SLC2A13: variants seen among roughly 807,000 people sequenced by gnomAD.
SLC2A13 encodes proton myo-inositol cotransporter.
Under a neutral mutation model 64.4 loss-of-function variants are expected in SLC2A13, and 32 were observed. The observed-to-expected ratio is 0.50, with a 90% CI of 0.37 to 0.67. SLC2A13 has a LOEUF of 0.67. SLC2A13 is among the 30% of genes least tolerant of loss of function. The pLI is 0.00. For missense variants in SLC2A13, 743 were observed against 829.2 expected, an observed-to-expected ratio of 0.90 and a Z score of 1.28; for synonymous variants, 338 against 327.1, an observed-to-expected ratio of 1.03 and a Z score of -0.36.
intron 1 of SLC2A13, 150 bp from the exon 2 acceptor site, chr12:40,048,360 ATAAC>A: frequency 1.4e-6 from 1 of 725,920 alleles, no homozygotes; most frequent in Non-Finnish European, 2.1e-6. Flanking sequence ...GATTTTGTTC[ATAAC>A]TAATTTGGGG....
chr12:39,901,076 C>G (rs1334418342), intron 4 of SLC2A13, among the ~76,000 whole-genome samples: 1 of 152,054 alleles, frequency 6.6e-6, no homozygotes, highest in African/African-American at 2.4e-5. Flanking sequence ...CTGAGAAAAA[C>G]AAGCAATGGG....
At position 40,028,405 on chromosome 12, in the gene SLC2A13, T is replaced by A; in HGVS notation, c.821A>T (p.Lys274Met). The change falls in exon 3 of 10, where the codon AAG becomes ATG. Residue 274 changes from lysine (K) to methionine (M), a missense_variant. This residue lies in a region of SLC2A13 where 448 missense variants were observed against 447.4 expected (regional missense o/e 1.00). Transcript: ENST00000280871. The stretch of plus-strand genomic sequence containing the variant: ...CATCTGAGATAAAATTCTACGGGCC[T>A]TCTGAGTCTGTCCTTTCTGAATAAG... ...RWLIQKGQTQ[K>M]ARRILSQMRG... 6.2e-7 allele frequency: 1 copy of A among 1,614,128 alleles called. No individual in the cohort carries two copies. Among genetic ancestry groups the A allele is most frequent in the Non-Finnish European group, 8.5e-7 (1 of 1,180,000 alleles).
In SLC2A13 at chr12:39,951,342, G is replaced by A; in HGVS notation, c.949C>T (p.Leu317=). Residue 317 remains leucine, a synonymous_variant, in exon 4 of 10, where the codon CTG becomes TTG. Transcript: ENST00000280871. The stretch of plus-strand genomic sequence containing the variant: ...GCTCGGCGAGTTGGGGGATAACTCA[G>A]CATTCTGCAGATCACAGGTCCAGCT... ...GSAGPVICRM[L]SYPPTRRALI... 3 of 1,601,862 alleles carry A rather than the reference G, an allele frequency of 1.9e-6. No individual in the cohort carries two copies. The highest frequency in any genetic ancestry group is 2.6e-6 in the Non-Finnish European group (3 of 1,175,078).
chr12:40,049,728 A>C (rs1948225025), intron 1 of SLC2A13, among the ~76,000 whole-genome samples: 1 of 152,094 alleles, frequency 6.6e-6, no homozygotes, highest in African/African-American at 2.4e-5. Flanking sequence ...GCTTTGTTAC[A>C]TCTTTGAACA....
At chr12:39,913,511 C>CAAA (rs71449498) in intron 4 of SLC2A13, among the ~76,000 whole-genome samples, 8 of 132,750 alleles carry the variant, frequency 6.0e-5, no homozygotes, top group African/African-American at 2.2e-4. Context: ...ATTTGATTTA[C>CAAA]AAAAAAAAAA....
At chr12:39,943,343 G>A (rs1279977263) in intron 4 of SLC2A13, among the ~76,000 whole-genome samples, 1 of 152,208 alleles carries the variant, frequency 6.6e-6, no homozygotes, top group Admixed American at 6.5e-5. Context: ...GTCTGCTGAA[G>A]CTGTGCCCAC....
chr12:39,762,915 C>T (rs1940210852), intron 9 of SLC2A13, among the ~76,000 whole-genome samples: 1 of 7,370 alleles, frequency 1.4e-4, no homozygotes, highest in African/African-American at 6.5e-4. Context: ...ATTACTGTTG[C>T]CTCATTTTTC....
chr12:39,771,910 C>T (rs1940593093), intron 7 of SLC2A13, among the ~76,000 whole-genome samples: 1 of 152,060 alleles, frequency 6.6e-6, no homozygotes, highest in Non-Finnish European at 1.5e-5. Context: ...AGTCTAGACC[C>T]AGTATCTCCT....
At chr12:39,910,347 C>G (rs1453347797) in intron 4 of SLC2A13, among the ~76,000 whole-genome samples, 3 of 152,098 alleles carry the variant, frequency 2.0e-5, no homozygotes, top group East Asian at 1.9e-4. Flanking sequence ...CATTGATGCT[C>G]TAACCACCTA....
In SLC2A13 at chr12:40,034,174, C is replaced by T. The variant is rs1365230878; in HGVS notation, c.717-5665G>A. On this transcript the variant is annotated intron_variant, in intron 2 of 9. Coordinates refer to ENST00000280871, the MANE Select transcript of SLC2A13 (RefSeq NM_052885.4). ...AAAAACATGCAATTGTTTTTGTAGCCCTTGAGGAGCTGAATTCTACTAAGA... is the reference window on the plus strand; with the variant it reads ...AAAAACATGCAATTGTTTTTGTAGCTCTTGAGGAGCTGAATTCTACTAAGA... Among the ~76,000 whole-genome samples, 3 of 152,128 alleles carry T rather than the reference C, an allele frequency of 2.0e-5. No individual in the cohort carries two copies. The South Asian group carries it at 6.2e-4, about 32-fold the overall frequency.
In SLC2A13 at chr12:39,756,045, A is replaced by G. The variant is rs1328114669; in HGVS notation, c.*3981T>C. ...AGCAGCAGTATTGCTCACCTAGAAG[A>G]GCTGAATGTACCGACAATTTATAGA... On this transcript the variant is annotated 3_prime_UTR_variant, in exon 10 of 10. Coordinates refer to ENST00000280871, the MANE Select transcript of SLC2A13 (RefSeq NM_052885.4). The G allele has an allele frequency of 6.6e-6, 1 of 151,970 alleles. No homozygotes were observed. The highest frequency in any genetic ancestry group is 1.5e-5 in the Non-Finnish European group (1 of 67,796). 9.4% of individuals were successfully genotyped at this position (151,970 alleles called of 1,614,324 possible). A position where few individuals can be genotyped will look rare whatever the true frequency, so the allele number is the denominator to read the frequency against.
At chr12:39,761,800 ACTAGGCT>A (rs1339415618) in intron 9 of SLC2A13, among the ~76,000 whole-genome samples, 1 of 152,104 alleles carries the variant, frequency 6.6e-6, no homozygotes, top group Admixed American at 6.6e-5. Context: ...TTTAGATTAA[ACTAGGCT>A]TCTAAACTAC....
chr12:39,910,201 G>A (rs1358598849), intron 4 of SLC2A13, among the ~76,000 whole-genome samples: 1 of 151,978 alleles, frequency 6.6e-6, no homozygotes, highest in Non-Finnish European at 1.5e-5. Context: ...CCTAGAAAGT[G>A]CTACTATTTA....
intron 7 of SLC2A13, among the ~76,000 whole-genome samples, chr12:39,808,876 C>T (rs1942058112): frequency 6.6e-6 from 1 of 152,006 alleles, no homozygotes; most frequent in Admixed American, 6.6e-5. Context: ...GCTTTGTATT[C>T]TCTTAACAAT....
At chr12:39,975,281 A>G (rs1946739820) in intron 3 of SLC2A13, among the ~76,000 whole-genome samples, 1 of 152,254 alleles carries the variant, frequency 6.6e-6, no homozygotes, top group South Asian at 2.1e-4. Context: ...GCTATGGAAT[A>G]GGAAGAAAAT....
chr12:39,890,520 T>A (rs1436671777), intron 4 of SLC2A13, among the ~76,000 whole-genome samples: 1 of 152,092 alleles, frequency 6.6e-6, no homozygotes, highest in African/African-American at 2.4e-5. Context: ...AGCATGAGAG[T>A]CTTAATAGTA....
Position 39,871,919 on chromosome 12 carries a change from A to G in SLC2A13, c.1077T>C (p.Asp359=). ...ATILQMSGVE[D]DRLAIWLASV... ...AAGCCAGCCATATTGCAAGTCTATC[A>G]TCTTCAACACCAGACATCTGCAGAA... The change falls in exon 5 of 10, where the codon GAT becomes GAC. Residue 359 remains aspartate, a synonymous_variant. Coordinates refer to ENST00000280871, the MANE Select transcript of SLC2A13 (RefSeq NM_052885.4). The G allele has an allele frequency of 1.2e-6, 2 of 1,610,624 alleles. No individual in the cohort carries two copies. Among genetic ancestry groups the G allele is most frequent in the East Asian group, 2.2e-5 (1 of 44,616 alleles).
At chr12:40,081,308 T>C (rs1938391551) in intron 1 of SLC2A13, among the ~76,000 whole-genome samples, 2 of 152,014 alleles carry the variant, frequency 1.3e-5, no homozygotes, top group South Asian at 4.2e-4. Context: ...CCAAGTTGCT[T>C]GCTCTCTCTG....
intron 2 of SLC2A13, among the ~76,000 whole-genome samples, chr12:40,029,061 G>A (rs909651850): frequency 1.3e-5 from 2 of 151,878 alleles, no homozygotes; most frequent in Non-Finnish European, 2.9e-5. Flanking sequence ...AGGAATGGGG[G>A]CCCACAGGAA....
Sources: gnomAD v4.1 joint callset for allele counts (sites outside exome capture counted in the v4.1 genomes callset) on GRCh38, gnomAD v4.1.1 for gene constraint, gnomAD v4.1.1 regional missense constraint, MANE v1.5 for transcripts, NCBI Gene and HGNC (gene_info 2026-07-23, HGNC 2026-07-21) for gene names.